THEMIS: variants seen among roughly 807,000 people sequenced by gnomAD.
THEMIS encodes thymocyte selection associated, also known as protein THEMIS.
In THEMIS, 37 loss-of-function variants were observed where a neutral mutation model predicts 52.6. The ratio of observed to expected loss-of-function variants is 0.70; its 90% CI spans 0.54 to 0.93. The LOEUF is 0.93. THEMIS is among the 40% of genes least tolerant of loss of function. THEMIS has a pLI of 0.00. For synonymous variants in THEMIS, 292 were observed against 272.7 expected, an observed-to-expected ratio of 1.07 and a Z score of -0.70; for missense variants, 808 against 763.1, an observed-to-expected ratio of 1.06 and a Z score of -0.69.
At chr6:127,905,766 T>C (rs943949835), upstream of THEMIS, among the ~76,000 whole-genome samples, 7 of 151,860 alleles carry the variant, frequency 4.6e-5, no homozygotes, top group African/African-American at 1.4e-4. Context: ...TGATGTTTAA[T>C]ATCAGAGTTA....
intron 2 of THEMIS, among the ~76,000 whole-genome samples, chr6:127,852,507 T>C (rs1472177826): frequency 1.3e-5 from 2 of 151,508 alleles, no homozygotes; most frequent in African/African-American, 4.8e-5. Flanking sequence ...TTTAAAAGGA[T>C]TGAGTCATAC....
chr6:127,881,664 C>T (rs1780488528), intron 1 of THEMIS, among the ~76,000 whole-genome samples: 1 of 151,896 alleles, frequency 6.6e-6, no homozygotes, highest in South Asian at 2.1e-4. Context: ...TTTTCCTCTA[C>T]AGCTTTTGAA....
chr6:127,883,875 A>T (rs1306941066), intron 1 of THEMIS, among the ~76,000 whole-genome samples: 1 of 152,134 alleles, frequency 6.6e-6, no homozygotes. Flanking sequence ...TTTTCAGTTT[A>T]CAGTTACAGG....
At chr6:127,713,026 T>C (rs1319705041) in intron 5 of THEMIS, among the ~76,000 whole-genome samples, 1 of 151,870 alleles carries the variant, frequency 6.6e-6, no homozygotes, top group Non-Finnish European at 1.5e-5. Flanking sequence ...CTGAAATTGC[T>C]CAATGTGATG....
chr6:127,912,328 T>A (rs1562336246), intron 1 of THEMIS, among the ~76,000 whole-genome samples: 1 of 152,118 alleles, frequency 6.6e-6, no homozygotes, highest in African/African-American at 2.4e-5. Context: ...GGCTCATAAG[T>A]GGAGGGAACT....
chr6:127,726,266 G>A (rs1774543343), intron 4 of THEMIS, among the ~76,000 whole-genome samples: 1 of 152,070 alleles, frequency 6.6e-6, no homozygotes. Flanking sequence ...ACAGACAGTA[G>A]CCCTATGGAA....
intron 2 of THEMIS, among the ~76,000 whole-genome samples, chr6:127,848,635 T>C (rs1040046444): frequency 2.0e-5 from 3 of 152,206 alleles, no homozygotes; most frequent in African/African-American, 7.2e-5. Context: ...TGTGAGATGG[T>C]ATCTCATTGT....
chr6:127,865,915 C>G (rs1475827292), intron 1 of THEMIS, among the ~76,000 whole-genome samples: 2 of 151,966 alleles, frequency 1.3e-5, no homozygotes, highest in Non-Finnish European at 2.9e-5. Context: ...GAGGTTTTTA[C>G]TTAAGTGAAA....
intron 1 of THEMIS, among the ~76,000 whole-genome samples, chr6:127,907,990 T>C (rs1233432332): frequency 1.3e-5 from 2 of 152,102 alleles, no homozygotes; most frequent in African/African-American, 4.8e-5. Flanking sequence ...AAAATCCTAC[T>C]ATACACAACA....
intron 3 of THEMIS, among the ~76,000 whole-genome samples, chr6:127,819,044 C>T (rs548547149): frequency 5.1e-5 from 7 of 138,376 alleles, no homozygotes; most frequent in Admixed American, 3.1e-4. Flanking sequence ...TGCCTGAACC[C>T]GGGAGGTGGA....
intron 4 of THEMIS, among the ~76,000 whole-genome samples, chr6:127,736,548 T>G (rs1197717347): frequency 6.6e-6 from 1 of 152,148 alleles, no homozygotes; most frequent in Non-Finnish European, 1.5e-5. Flanking sequence ...TCTATGCAAG[T>G]ATGTGATCTA....
intron 2 of THEMIS, 149 bp downstream of exon 2, chr6:127,854,881 A>C: frequency 1.7e-6 from 1 of 595,744 alleles, no homozygotes; most frequent in South Asian, 5.3e-5. Flanking sequence ...TTCGTTCTTA[A>C]AATGATCAAA....
chr6:127,747,643 T>C (rs1775496001), intron 4 of THEMIS, among the ~76,000 whole-genome samples: 1 of 151,782 alleles, frequency 6.6e-6, no homozygotes, highest in African/African-American at 2.4e-5. Context: ...TCTTTTCCCA[T>C]GATAATCATT....
chr6:127,823,110 G>A (rs1778396356), intron 3 of THEMIS, among the ~76,000 whole-genome samples: 2 of 152,074 alleles, frequency 1.3e-5, no homozygotes, highest in African/African-American at 4.8e-5. Flanking sequence ...TTAATAGTTG[G>A]TAATGTAAAA....
chr6:127,746,871 A>G (rs1775426833), intron 4 of THEMIS, among the ~76,000 whole-genome samples: 1 of 62,046 alleles, frequency 1.6e-5, no homozygotes, highest in East Asian at 5.9e-4. Flanking sequence ...ATATAATTAT[A>G]TTATATATAA....
intron 3 of THEMIS, among the ~76,000 whole-genome samples, chr6:127,825,158 G>GA (rs1778465534): frequency 1.3e-5 from 2 of 151,800 alleles, no homozygotes; most frequent in South Asian, 2.1e-4. Context: ...AAATAGAAAA[G>GA]AAAAAAGGCC....
intron 2 of THEMIS, among the ~76,000 whole-genome samples, chr6:127,843,577 A>G (rs1429723368): frequency 6.6e-6 from 1 of 152,020 alleles, no homozygotes; most frequent in Non-Finnish European, 1.5e-5. Flanking sequence ...ATTAAAATTA[A>G]TGTCACCTTT....
chr6:127,794,449 C>T (rs1777259615), intron 4 of THEMIS, among the ~76,000 whole-genome samples: 1 of 152,176 alleles, frequency 6.6e-6, no homozygotes, highest in Non-Finnish European at 1.5e-5. Context: ...ATGTCATCTC[C>T]TTTTATCAGT....
At chr6:127,891,710 G>A (rs1012958279) in intron 1 of THEMIS, among the ~76,000 whole-genome samples, 4 of 151,890 alleles carry the variant, frequency 2.6e-5, no homozygotes, top group East Asian at 1.9e-4. Flanking sequence ...CCTCACTAAT[G>A]CCTGTTCTCC....
Sources: allele counts gnomAD v4.1 joint callset (sites outside exome capture counted in the v4.1 genomes callset), GRCh38; gene constraint gnomAD v4.1.1; transcripts MANE v1.5; gene names NCBI Gene and HGNC (gene_info 2026-07-23, HGNC 2026-07-21).